SORBS2: variants seen among roughly 807,000 people sequenced by gnomAD.
The protein encoded by SORBS2 is sorbin and SH3 domain-containing protein 2.
A neutral mutation model predicts 97.7 loss-of-function variants in SORBS2; 46 were observed. That is an observed-to-expected ratio of 0.47 (90% CI 0.37 to 0.60). The LOEUF (loss-of-function observed/expected upper bound fraction) is 0.60, where lower values mean the gene tolerates loss of function less well. Among genes scored for constraint, SORBS2 ranks in the 20% least tolerant of loss-of-function variants. The pLI is 0.00. For missense variants in SORBS2, 1,316 were observed against 1,282.3 expected (o/e 1.03, Z -0.40); for synonymous variants, 476 against 473.4 (o/e 1.01, Z -0.07).
At chr4:185,666,163 G>A in intron 4 of SORBS2, 1 of 1,289,856 alleles carries the variant, frequency 7.8e-7, no homozygotes, top group South Asian at 1.2e-5. Flanking sequence ...TGTCTGTGAA[G>A]CATTTACCTC....
intron 1 of SORBS2, among the ~76,000 whole-genome samples, chr4:185,850,962 C>CGCCCT (rs2149684632): frequency 6.6e-6 from 1 of 152,238 alleles, no homozygotes; most frequent in Non-Finnish European, 1.5e-5. Flanking sequence ...ATCTATCTCC[C>CGCCCT]GCCCTCAGAT....
At chr4:185,633,108 G>A (rs749625671) in intron 4 of SORBS2, among the ~76,000 whole-genome samples, 1 of 152,148 alleles carries the variant, frequency 6.6e-6, no homozygotes, top group Non-Finnish European at 1.5e-5. Context: ...CACTCTTTCT[G>A]TTAAGTAGCT....
rs2096756815 is a variant in SORBS2, at chr4:185,623,617, C to A, written c.1512G>T (p.Gln504His). 1 of 1,614,106 alleles carries A rather than the reference C, an allele frequency of 6.2e-7. No homozygotes were observed. The highest frequency in any genetic ancestry group is 8.5e-7 in the Non-Finnish European group (1 of 1,180,022). Reference sequence around the variant, plus strand: ...CACTGTGGTCGGACACAACCCCGTCCTGGTCGCTGTCGGAAAACTCCACGT... The same window carrying A: ...CACTGTGGTCGGACACAACCCCGTCATGGTCGCTGTCGGAAAACTCCACGT... Residue 504 changes from glutamine to histidine, a missense_variant, in exon 7 of 15, where the codon CAG (glutamine) becomes CAT (histidine). Gln to His is a conservative substitution (Grantham distance 24). Transcript: ENST00000418609. This position sits in a 1 kb window ranked among gnomAD's most constrained non-coding sequence, Gnocchi z 6.4.
intron 1 of SORBS2, among the ~76,000 whole-genome samples, chr4:185,927,060 T>C (rs2099264057): frequency 6.6e-6 from 1 of 150,906 alleles, no homozygotes; most frequent in South Asian, 2.1e-4. Flanking sequence ...ATATATGAAA[T>C]ATGATACCAC....
At chr4:185,768,709 A>C (rs59689950) in intron 2 of SORBS2, among the ~76,000 whole-genome samples, 14,546 of 87,658 alleles carry the variant, frequency 0.17, 992 homozygotes, top group South Asian at 0.23. Flanking sequence ...AAAAAAAAAA[A>C]AACAAAAAAA....
In SORBS2 at chr4:185,698,079, G is replaced by A. The variant is rs565493199; in HGVS notation, c.-197-19257C>T. Among the ~76,000 whole-genome samples the A allele has an allele frequency of 3.3e-5, 5 of 152,258 alleles. No individual in the cohort carries two copies. The South Asian group carries it at 1.0e-3, about 32-fold the overall frequency. On this transcript the variant is annotated intron_variant, in intron 2 of 20. Transcript: ENST00000284776. ...TTTAGGGTTAGACATTTGAGGATAA[G>A]ATAAATGGATGCCCCAAGCAGATAC...
At chr4:185,770,113 C>T (rs1477757960) in intron 2 of SORBS2, among the ~76,000 whole-genome samples, 1 of 151,318 alleles carries the variant, frequency 6.6e-6, no homozygotes, top group Non-Finnish European at 1.5e-5. Flanking sequence ...AAGTCTCACC[C>T]TGTCACCCAG....
chr4:185,909,653 T>C (rs1487837028), intron 1 of SORBS2, among the ~76,000 whole-genome samples: 1 of 152,264 alleles, frequency 6.6e-6, no homozygotes. Context: ...TGAAGAATTA[T>C]GAGGGCTTCT....
chr4:185,731,904 A>G (rs906175785), intron 2 of SORBS2, among the ~76,000 whole-genome samples: 36 of 80,066 alleles, frequency 4.5e-4, no homozygotes, highest in Non-Finnish European at 7.1e-4. Context: ...ATATATATAT[A>G]TATATGTCTG....
At chr4:185,604,082 C>T (rs73876125) in intron 12 of SORBS2, among the ~76,000 whole-genome samples, 4,331 of 152,190 alleles carry the variant, frequency 0.028, 214 homozygotes, top group African/African-American at 0.099. Context: ...CTCATGCTGA[C>T]GGCCAACTGA....
chr4:185,888,953 G>T (rs1297647771), intron 1 of SORBS2, among the ~76,000 whole-genome samples: 1 of 152,240 alleles, frequency 6.6e-6, no homozygotes, highest in Non-Finnish European at 1.5e-5. Context: ...CAAATTGCCA[G>T]TGCATAGCTG....
In SORBS2 at chr4:185,868,159, C is replaced by CTTTTTTTTTTTTTTT. The variant is rs112680775; in HGVS notation, c.-338+88022_-338+88036dup. ...TCTCTTTTCTTTTCTTTTTTTCTTT[C>CTTTTTTTTTTTTTTT]TTTTTTTTTTTTTTTGAGGCAGAGT... On this transcript the variant is annotated intron_variant, in intron 1 of 20. Coordinates refer to the SORBS2 transcript ENST00000284776. Among the ~76,000 whole-genome samples, 297 of 105,184 alleles carry CTTTTTTTTTTTTTTT rather than the reference C, an allele frequency of 2.8e-3. 2 individuals carry two copies. Among genetic ancestry groups the CTTTTTTTTTTTTTTT allele is most frequent in the African/African-American group, 6.1e-3 (157 of 25,598 alleles). The allele number at this position is 105,184 out of a possible 152,430, so 69.0% of individuals were successfully genotyped here.
intron 2 of SORBS2, among the ~76,000 whole-genome samples, chr4:185,733,763 A>G (rs992159247): frequency 6.6e-6 from 1 of 152,150 alleles, no homozygotes; most frequent in Non-Finnish European, 1.5e-5. Flanking sequence ...GAAGAATTCA[A>G]AAACAATCAC....
chr4:185,677,282 G>C (rs986695544), intron 4 of SORBS2: 1 of 1,552,072 alleles, frequency 6.4e-7, no homozygotes, highest in Non-Finnish European at 8.7e-7. Flanking sequence ...CCTGGTTATG[G>C]GTTAGTTTCA....
chr4:185,740,049 G>A (rs1027521), intron 2 of SORBS2: 21,542 of 152,650 alleles, frequency 0.14, 1,783 homozygotes, highest in South Asian at 0.21. Flanking sequence ...CCAACACGGT[G>A]AGTTTGCTTC....
chr4:185,746,629 G>T (rs530284177), intron 2 of SORBS2, among the ~76,000 whole-genome samples: 1 of 152,146 alleles, frequency 6.6e-6, no homozygotes, highest in Admixed American at 6.5e-5. Flanking sequence ...TATCTGGTTA[G>T]AGTTTCTTAG....
At chr4:185,646,203 T>A (rs2097203862) in intron 4 of SORBS2, 1 of 152,234 alleles carries the variant, frequency 6.6e-6, no homozygotes, top group Non-Finnish European at 1.5e-5. Context: ...CCTGGGTCCA[T>A]GTATATTGGG....
chr4:185,898,482 T>C (rs1415154645), intron 1 of SORBS2, among the ~76,000 whole-genome samples: 2 of 152,230 alleles, frequency 1.3e-5, no homozygotes, highest in Admixed American at 1.3e-4. Context: ...CACTGGACGA[T>C]GAAAGACTGG....
At chr4:185,841,263 A>G (rs1025142756) in intron 1 of SORBS2, among the ~76,000 whole-genome samples, 3 of 152,342 alleles carry the variant, frequency 2.0e-5, no homozygotes, top group African/African-American at 7.2e-5. Context: ...AGGCTGAAGA[A>G]AAGCACAACA....
Sources: gnomAD v4.1 joint callset for allele counts (sites outside exome capture counted in the v4.1 genomes callset) on GRCh38, gnomAD v4.1.1 for gene constraint, Gnocchi (gnomAD v3.1) non-coding constraint, MANE v1.5 for transcripts, NCBI Gene and HGNC (gene_info 2026-07-23, HGNC 2026-07-21) for gene names.